The following FRMD8 variants were observed in gnomAD, a reference collection of about 807,000 sequenced individuals.
The protein encoded by FRMD8 is FERM domain-containing protein 8.
FRMD8 carries 37 observed loss-of-function variants against 54.2 expected under a neutral mutation model. The observed-to-expected ratio is 0.68, with a 90% CI of 0.53 to 0.90. FRMD8 has a LOEUF of 0.90. Among genes scored for constraint, FRMD8 ranks in the 40% least tolerant of loss-of-function variants. FRMD8 has a pLI of 0.00. For synonymous variants in FRMD8, 246 were observed against 286.9 expected (o/e 0.86, Z 1.44); for missense variants, 585 against 653.7 (o/e 0.89, Z 1.15).
At chr11:65,388,432 C>T (rs1855776433) in intron 2 of FRMD8, among the ~76,000 whole-genome samples, 1 of 151,770 alleles carries the variant, frequency 6.6e-6, no homozygotes, top group South Asian at 2.1e-4. Context: ...AAACCGTGCC[C>T]TTCCCTTCCA....
chr11:65,397,877 T>C (rs1033293250), intron 7 of FRMD8, among the ~76,000 whole-genome samples: 27 of 4,914 alleles, frequency 5.5e-3, no homozygotes, highest in African/African-American at 8.7e-3. Flanking sequence ...TTTTCTTTCT[T>C]TTTTTTTTTT....
chr11:65,397,661 G>A (rs143198984), intron 7 of FRMD8, among the ~76,000 whole-genome samples: 96 of 152,322 alleles, frequency 6.3e-4, no homozygotes, highest in African/African-American at 2.1e-3. Context: ...GTTGTCCTCC[G>A]CTGAGCTGGG....
At chr11:65,376,524 G>C in the FRMD8 span, 1 of 1,614,198 alleles carries the variant, frequency 6.2e-7, no homozygotes, top group South Asian at 1.1e-5. Context: ...CTTCCTGCCG[G>C]ATGCTGCTCA....
rs1856162057 is a variant in FRMD8, at chr11:65,404,968, C to G, written c.1176C>G (p.Ser392Arg). The G allele has an allele frequency of 1.2e-6, 2 of 1,613,114 alleles. No individual in the cohort carries two copies. Among genetic ancestry groups the G allele is most frequent in the Non-Finnish European group, 1.7e-6 (2 of 1,180,048 alleles). ...CGACTGGCTCGCCCTCGGACCCCAGCTCCTCACTGGCTCCTGTTCAGCGCC... is the reference window on the plus strand; with the variant it reads ...CGACTGGCTCGCCCTCGGACCCCAGGTCCTCACTGGCTCCTGTTCAGCGCC... ...DSATGSPSDP[S>R]SSLAPVQRPK... Residue 392 changes from serine (S) to arginine (R), a missense_variant, in exon 10 of 11, where the codon AGC (serine) becomes AGG (arginine). By Grantham distance (110) the Ser-to-Arg change is moderately radical (BLOSUM62 -1). Coordinates refer to ENST00000317568, the MANE Select transcript of FRMD8 (RefSeq NM_031904.5). The surrounding 1 kb of genome is among the most constrained non-coding windows in gnomAD (Gnocchi z 4.7).
intron 2 of FRMD8, chr11:65,387,358 C>A (rs906636034): frequency 3.2e-6 from 2 of 632,650 alleles, no homozygotes; most frequent in Non-Finnish European, 2.8e-6. Context: ...CTGTGAAATT[C>A]AAATGAGATT....
intron 9 of FRMD8, among the ~76,000 whole-genome samples, chr11:65,401,501 G>C (rs1314203755): frequency 6.7e-6 from 1 of 149,002 alleles, no homozygotes; most frequent in Non-Finnish European, 1.5e-5. Flanking sequence ...GGTCTCTCTG[G>C]ATCCTTCATT....
In FRMD8 at chr11:65,404,282, C is replaced by T. The variant is rs982917045; in HGVS notation, c.1072-582C>T. Among the ~76,000 whole-genome samples the T allele has an allele frequency of 6.6e-6, 1 of 152,198 alleles. No homozygotes were observed. Among genetic ancestry groups the T allele is most frequent in the African/African-American group, 2.4e-5 (1 of 41,440 alleles). Reference sequence around the variant, plus strand: ...CCTAAGGGGTGCCACCCTTTTAACACCCTCTGCGACTCCCTCAAACCCCTG... The same window carrying T: ...CCTAAGGGGTGCCACCCTTTTAACATCCTCTGCGACTCCCTCAAACCCCTG... On this transcript the variant is annotated intron_variant, in intron 9 of 10. Transcript: ENST00000317568. This position sits in a 1 kb window ranked among gnomAD's most constrained non-coding sequence, Gnocchi z 4.7.
At chr11:65,408,768 C>A (rs1856264836) in intron 10 of FRMD8, among the ~76,000 whole-genome samples, 1 of 151,870 alleles carries the variant, frequency 6.6e-6, no homozygotes, top group South Asian at 2.1e-4. Context: ...AGCCACCACT[C>A]CTGGCTAATT....
At chr11:65,379,635 C>G in the FRMD8 span, 1 of 1,464,676 alleles carries the variant, frequency 6.8e-7, no homozygotes, top group South Asian at 1.3e-5. Context: ...CCTGGCAAGG[C>G]AGCCTCTGGC....
chr11:65,377,011 G>A, the FRMD8 span: 2 of 1,613,808 alleles, frequency 1.2e-6, no homozygotes, highest in Non-Finnish European at 8.5e-7. Flanking sequence ...TCCCTGGCTG[G>A]GCCCTTGGCT....
chr11:65,374,839 C>A, the FRMD8 span, among the ~76,000 whole-genome samples: 1 of 152,034 alleles, frequency 6.6e-6, no homozygotes, highest in African/African-American at 2.4e-5. Flanking sequence ...CGGTGGCACA[C>A]ACCTGTAGTC....
chr11:65,387,279 C>T, intron 2 of FRMD8, 158 bp downstream of exon 2: 2 of 744,378 alleles, frequency 2.7e-6, no homozygotes, highest in Non-Finnish European at 2.4e-6. Flanking sequence ...AAGTCAGAGG[C>T]TCTGTCACTA....
At chr11:65,407,533 G>T (rs1856228084) in intron 10 of FRMD8, among the ~76,000 whole-genome samples, 1 of 148,398 alleles carries the variant, frequency 6.7e-6, no homozygotes, top group Non-Finnish European at 1.5e-5. Flanking sequence ...ATTACAGTGT[G>T]AGCCACCGCA....
chr11:65,380,275 G>C, the FRMD8 span: 1 of 1,558,688 alleles, frequency 6.4e-7, no homozygotes, highest in Admixed American at 1.7e-5. Context: ...GGAGGAAGGA[G>C]AGCAGGGCCA....
intron 7 of FRMD8, among the ~76,000 whole-genome samples, chr11:65,398,874 C>T (rs1175212505): frequency 6.6e-6 from 1 of 152,050 alleles, no homozygotes; most frequent in Non-Finnish European, 1.5e-5. Context: ...CCCATCCCAT[C>T]GCGTGGAGAG....
At chr11:65,380,425 C>A in the FRMD8 span, 1 of 1,012,564 alleles carries the variant, frequency 9.9e-7, no homozygotes. Context: ...GATGCACACC[C>A]AAGAGGGAAG....
intron 10 of FRMD8, among the ~76,000 whole-genome samples, chr11:65,409,383 G>A (rs554992397): frequency 6.6e-6 from 1 of 152,266 alleles, no homozygotes; most frequent in Non-Finnish European, 1.5e-5. Flanking sequence ...CACCGTGCCC[G>A]GCCGATTGCA....
chr11:65,376,069 CAAAAAAAAA>C, the FRMD8 span: 3 of 108,710 alleles, frequency 2.8e-5, no homozygotes, highest in Non-Finnish European at 5.3e-5. Flanking sequence ...GACTCCATCT[CAAAAAAAAA>C]AAAAAAAAAA....
chr11:65,386,614 C>G, upstream of FRMD8: 1 of 179,540 alleles, frequency 5.6e-6, no homozygotes, highest in Non-Finnish European at 1.2e-5. Context: ...GGGCGCCGCG[C>G]TTCCTCCCGC....
Sources: allele counts gnomAD v4.1 joint callset (sites outside exome capture counted in the v4.1 genomes callset), GRCh38; gene constraint gnomAD v4.1.1; non-coding constraint Gnocchi (gnomAD v3.1); transcripts MANE v1.5; gene names NCBI Gene and HGNC (gene_info 2026-07-23, HGNC 2026-07-21).